The following ZHX3 variants were observed in gnomAD, a reference collection of about 807,000 sequenced individuals.
ZHX3 encodes the protein zinc fingers and homeoboxes protein 3.
ZHX3 carries 20 observed loss-of-function variants against 64.5 expected under a neutral mutation model. The ratio of observed to expected loss-of-function variants is 0.31; its 90% confidence interval spans 0.22 to 0.45. The LOEUF (loss-of-function observed/expected upper bound fraction) is 0.45. ZHX3 is among the 20% of genes least tolerant of loss of function. ZHX3 has a pLI of 1.00. For missense variants in ZHX3, 1,041 were observed against 1,195.8 expected (o/e 0.87, Z 1.91); for synonymous variants, 423 against 461.6 (o/e 0.92, Z 1.07).
intron 2 of ZHX3, among the ~76,000 whole-genome samples, chr20:41,242,544 A>C (rs2041450038): frequency 6.6e-6 from 1 of 152,226 alleles, no homozygotes; most frequent in Non-Finnish European, 1.5e-5. Context: ...AGCTTTGTGA[A>C]CCCTGTGAAC....
chr20:41,243,914 A>G (rs1218016491), intron 2 of ZHX3, among the ~76,000 whole-genome samples: 1 of 152,108 alleles, frequency 6.6e-6, no homozygotes, highest in Non-Finnish European at 1.5e-5. Context: ...ACTGGGGAGG[A>G]GATGCTTTTG....
At chr20:41,214,496 C>A (rs1397455411) in intron 2 of ZHX3, among the ~76,000 whole-genome samples, 1 of 152,164 alleles carries the variant, frequency 6.6e-6, no homozygotes, top group Non-Finnish European at 1.5e-5. Flanking sequence ...CAGATTGTTG[C>A]AATAAGGGCT....
intron 1 of ZHX3, among the ~76,000 whole-genome samples, chr20:41,274,968 C>T (rs2043311714): frequency 6.6e-6 from 1 of 152,130 alleles, no homozygotes; most frequent in Non-Finnish European, 1.5e-5. Flanking sequence ...ACCAGCCTGG[C>T]TAGCATGGTG....
chr20:41,254,266 G>A (rs1036030557), intron 2 of ZHX3, among the ~76,000 whole-genome samples: 2 of 152,092 alleles, frequency 1.3e-5, no homozygotes, highest in Non-Finnish European at 2.9e-5. Context: ...CCATCAACAC[G>A]TACTAGGCAC....
Position 41,235,918 on chromosome 20 carries a change from C to A in ZHX3, c.-150-30852G>T, listed in dbSNP as rs531385854. 8.5e-5 allele frequency among the ~76,000 whole-genome samples: 13 copies of A among 152,284 alleles called. No individual in the cohort carries two copies. In the South Asian group the frequency reaches 1.2e-3, roughly 15 times the overall value. ...TCCTTAAGCTGATAAGCAACTTCAG[C>A]AAAGTCTCAGCATACAAAATCAATG... On this transcript the variant is annotated intron_variant, in intron 2 of 3. Coordinates refer to ENST00000683867, the MANE Select transcript of ZHX3 (RefSeq NM_001384317.1).
chr20:41,184,213 TG>T lies in ZHX3; in HGVS notation c.*977del, dbSNP rs771809048. 2.0e-5 allele frequency: 3 copies of T among 152,134 alleles called. No homozygotes were observed. The highest frequency in any genetic ancestry group is 2.9e-5 in the Non-Finnish European group (2 of 68,054). 9.4% of individuals were successfully genotyped at this position (152,134 alleles called of 1,614,324 possible). ...AAACCATAGGAGGCTCTGAAATGAG[TG>T]TGGAGAAAGGGCTCTGAAAACCGCA... On this transcript the variant is annotated 3_prime_UTR_variant, in exon 4 of 4. Coordinates refer to ENST00000683867, the MANE Select transcript of ZHX3 (RefSeq NM_001384317.1).
chr20:41,236,812 C>T (rs1256449842), intron 2 of ZHX3, among the ~76,000 whole-genome samples: 1 of 152,054 alleles, frequency 6.6e-6, no homozygotes, highest in East Asian at 1.9e-4. Context: ...AAGAAACTAC[C>T]ATCAGAGTGA....
chr20:41,210,231 A>C (rs533255852), intron 2 of ZHX3, among the ~76,000 whole-genome samples: 2 of 152,308 alleles, frequency 1.3e-5, no homozygotes, highest in African/African-American at 4.8e-5. Context: ...AAATAGGAAC[A>C]CTTTTACACT....
intron 2 of ZHX3, among the ~76,000 whole-genome samples, chr20:41,235,865 G>T (rs1362035884): frequency 6.6e-6 from 1 of 152,124 alleles, no homozygotes; most frequent in East Asian, 1.9e-4. Flanking sequence ...TGTATATCTA[G>T]AAAACCCCAT....
At chr20:41,313,865 G>A (rs1216097697) in intron 1 of ZHX3, among the ~76,000 whole-genome samples, 1 of 152,076 alleles carries the variant, frequency 6.6e-6, no homozygotes, top group Non-Finnish European at 1.5e-5. Context: ...CAAAGTGCTG[G>A]GATTACAGGC....
chr20:41,304,588 A>C (rs2044919999), intron 1 of ZHX3, among the ~76,000 whole-genome samples: 1 of 152,224 alleles, frequency 6.6e-6, no homozygotes, highest in African/African-American at 2.4e-5. Flanking sequence ...TGTGTGTGTG[A>C]ATGGATATCT....
At chr20:41,205,812 CTCACCT>C (rs764644025) in intron 2 of ZHX3, among the ~76,000 whole-genome samples, 9 of 152,170 alleles carry the variant, frequency 5.9e-5, no homozygotes, top group Non-Finnish European at 1.3e-4. Flanking sequence ...AAAGGGTGGT[CTCACCT>C]TGAGATCTGA....
At chr20:41,233,894 A>G (rs1423748154) in intron 2 of ZHX3, among the ~76,000 whole-genome samples, 2 of 152,238 alleles carry the variant, frequency 1.3e-5, no homozygotes, top group Non-Finnish European at 2.9e-5. Context: ...CATGTGGCAC[A>G]CTGTCCTCCA....
At chr20:41,292,793 C>A (rs549854503) in intron 1 of ZHX3, among the ~76,000 whole-genome samples, 6 of 152,244 alleles carry the variant, frequency 3.9e-5, no homozygotes, top group Non-Finnish European at 8.8e-5. Context: ...TTTTCTGTAA[C>A]TTTCTGGTAT....
At chr20:41,197,351 T>C (rs1230729493) in intron 3 of ZHX3, among the ~76,000 whole-genome samples, 2 of 146,786 alleles carry the variant, frequency 1.4e-5, no homozygotes, top group African/African-American at 4.9e-5. Context: ...ATTGTATATA[T>C]TTAAAATATA....
At chr20:41,243,651 A>G (rs879317371) in intron 2 of ZHX3, among the ~76,000 whole-genome samples, 7 of 152,160 alleles carry the variant, frequency 4.6e-5, no homozygotes, top group Admixed American at 3.3e-4. Context: ...TGACTCCCGT[A>G]GTGCTGAGGT....
intron 3 of ZHX3, among the ~76,000 whole-genome samples, chr20:41,191,614 G>T (rs2037026250): frequency 6.6e-6 from 1 of 152,156 alleles, no homozygotes; most frequent in Non-Finnish European, 1.5e-5. Context: ...CACATCTGGT[G>T]TAACAGTTGT....
At chr20:41,269,411 A>G (rs1450017172) in intron 1 of ZHX3, 1 of 152,146 alleles carries the variant, frequency 6.6e-6, no homozygotes, top group Non-Finnish European at 1.5e-5. Context: ...TAATACTAAC[A>G]GATGTGTTGC....
At position 41,184,647 on chromosome 20, in the gene ZHX3, C is replaced by CA. The variant is rs1337165089; in HGVS notation, c.*543dup. On this transcript the variant is annotated 3_prime_UTR_variant, in exon 4 of 4. Transcript: ENST00000683867. Reference sequence around the variant, plus strand: ...AAAGGTACTGCTTCCTTGAGGAACACAAAGGGGGCACAAAGGGGTTCCAGA... The same window carrying CA: ...AAAGGTACTGCTTCCTTGAGGAACACAAAAGGGGGCACAAAGGGGTTCCAGA... 2.1e-6 allele frequency: 1 copy of CA among 471,046 alleles called. No individual in the cohort carries two copies. The highest frequency in any genetic ancestry group is 2.0e-5 in the African/African-American group (1 of 51,018). 29.2% of individuals were successfully genotyped at this position (471,046 alleles called of 1,614,324 possible).
Sources: allele counts gnomAD v4.1 joint callset (sites outside exome capture counted in the v4.1 genomes callset), GRCh38; gene constraint gnomAD v4.1.1; transcripts MANE v1.5; gene names NCBI Gene and HGNC (gene_info 2026-07-23, HGNC 2026-07-21).